PIP5K1B: variants seen among roughly 807,000 people sequenced by gnomAD.
PIP5K1B encodes phosphatidylinositol 4-phosphate 5-kinase type-1 beta.
A neutral mutation model predicts 67.0 loss-of-function variants in PIP5K1B; 42 were observed. That is an observed-to-expected ratio of 0.63 (90% CI 0.49 to 0.81). The LOEUF is 0.81. PIP5K1B is among the 30% of genes least tolerant of loss of function. The pLI is 0.00. For synonymous variants in PIP5K1B, 214 were observed against 231.4 expected, an observed-to-expected ratio of 0.92 and a Z score of 0.68; for missense variants, 459 against 646.3, an observed-to-expected ratio of 0.71 and a Z score of 3.14.
At chr9:68,928,824 G>A (rs1452323290) in intron 12 of PIP5K1B, among the ~76,000 whole-genome samples, 1 of 152,080 alleles carries the variant, frequency 6.6e-6, no homozygotes, top group Non-Finnish European at 1.5e-5. Context: ...CTATACTTTA[G>A]GTCCTATGCT....
intron 8 of PIP5K1B, among the ~76,000 whole-genome samples, chr9:68,903,673 G>A (rs554859372): frequency 5.9e-5 from 9 of 152,280 alleles, no homozygotes; most frequent in African/African-American, 2.2e-4. Flanking sequence ...AATAATCCAT[G>A]CAAGATAGTG....
At chr9:68,805,048 A>G (rs1373925977) in intron 2 of PIP5K1B, among the ~76,000 whole-genome samples, 3 of 152,230 alleles carry the variant, frequency 2.0e-5, no homozygotes, top group Non-Finnish European at 4.4e-5. Context: ...GAAGCATTGC[A>G]TTCTTCAAGG....
Position 68,935,006 on chromosome 9 carries a change from C to A in PIP5K1B, c.1318C>A (p.Leu440Met), listed in dbSNP as rs1342897341. The change falls in exon 13 of 16, where the codon CTG becomes ATG. Residue 440 changes from leucine to methionine, a missense_variant. By Grantham distance (15) the Leu-to-Met change is conservative. Coordinates refer to ENST00000265382, the MANE Select transcript of PIP5K1B (RefSeq NM_003558.4). ...ATGGAAGGATGAGAAGCGGGATTTG[C>A]TGACTGAAGGACAAAGTTTTAGCAG... ...QEWKDEKRDLLTEGQSFSSLD... is the reference protein window; with the variant it reads ...QEWKDEKRDLMTEGQSFSSLD... 1 of 1,613,580 alleles carries A rather than the reference C, an allele frequency of 6.2e-7. No homozygotes were observed. Among genetic ancestry groups the A allele is most frequent in the Admixed American group, 1.7e-5 (1 of 59,988 alleles).
rs187361733 is a variant in PIP5K1B at position 69,008,672 on chromosome 9, A to G, written c.*223A>G. On this transcript the variant is annotated 3_prime_UTR_variant, in exon 16 of 16. Transcript: ENST00000265382. ...TTCTATCATTTGCTGTTGCTTGCTG[A>G]ACTGTGAAGAACTGCATGAACTATA... 9.1e-6 allele frequency: 5 copies of G among 548,934 alleles called. No individual in the cohort carries two copies. Among genetic ancestry groups the G allele is most frequent in the Non-Finnish European group, 1.0e-5 (3 of 298,448 alleles). 34.0% of individuals were successfully genotyped at this position (548,934 alleles called of 1,614,324 possible). A position where few individuals can be genotyped will look rare whatever the true frequency, so the allele number is the denominator to read the frequency against.
chr9:68,729,651 C>T (rs1390235148), intron 1 of PIP5K1B, among the ~76,000 whole-genome samples: 1 of 151,998 alleles, frequency 6.6e-6, no homozygotes, highest in Non-Finnish European at 1.5e-5. Context: ...AGGTTAGGTA[C>T]TATCATTTTT....
At chr9:69,006,418 C>T (rs1000713260) in intron 15 of PIP5K1B, among the ~76,000 whole-genome samples, 6 of 152,096 alleles carry the variant, frequency 3.9e-5, no homozygotes, top group African/African-American at 1.2e-4. Context: ...TACAACTCTA[C>T]GCCCTTCACA....
At chr9:68,909,193 A>G (rs1043304379) in intron 8 of PIP5K1B, among the ~76,000 whole-genome samples, 2 of 152,244 alleles carry the variant, frequency 1.3e-5, no homozygotes, top group African/African-American at 4.8e-5. Context: ...AAAAGTTTAT[A>G]CAATAAAAAT....
chr9:68,773,841 T>C (rs1262421280), intron 2 of PIP5K1B, among the ~76,000 whole-genome samples: 3 of 152,182 alleles, frequency 2.0e-5, no homozygotes, highest in Non-Finnish European at 4.4e-5. Context: ...TCAATGATTA[T>C]TTGCAAATTG....
intron 4 of PIP5K1B, among the ~76,000 whole-genome samples, chr9:68,861,467 G>A (rs188880991): frequency 2.6e-5 from 4 of 152,338 alleles, no homozygotes; most frequent in Admixed American, 2.0e-4. Context: ...TTGCCAGGGT[G>A]GAGACAAGAA....
intron 6 of PIP5K1B, among the ~76,000 whole-genome samples, chr9:68,883,895 A>G (rs1214187736): frequency 9.9e-5 from 15 of 152,066 alleles, no homozygotes; most frequent in Admixed American, 9.8e-4. Flanking sequence ...ACCACACACA[A>G]TGGGGAAAGG....
intron 8 of PIP5K1B, among the ~76,000 whole-genome samples, chr9:68,912,923 A>G (rs1014646513): frequency 1.3e-5 from 2 of 152,332 alleles, no homozygotes; most frequent in Middle Eastern, 3.4e-3. Flanking sequence ...CCCCAAATCT[A>G]CAGAAGTTAC....
At chr9:68,719,649 A>T (rs917467058) in intron 1 of PIP5K1B, among the ~76,000 whole-genome samples, 7 of 152,174 alleles carry the variant, frequency 4.6e-5, no homozygotes, top group Non-Finnish European at 7.3e-5. Context: ...ACAAATGGGA[A>T]ATCAGTCTCT....
At chr9:68,739,014 G>T (rs547013594) in intron 1 of PIP5K1B, among the ~76,000 whole-genome samples, 1 of 152,234 alleles carries the variant, frequency 6.6e-6, no homozygotes, top group South Asian at 2.1e-4. Context: ...CCAGCCTTCA[G>T]TTTCTTCATT....
intron 5 of PIP5K1B, among the ~76,000 whole-genome samples, chr9:68,875,159 G>A (rs1003464013): frequency 1.3e-5 from 2 of 151,900 alleles, no homozygotes; most frequent in African/African-American, 2.4e-5. Flanking sequence ...CTCTCAGGCA[G>A]TCTTAGTCCC....
At chr9:68,936,709 T>G (rs1013691521) in intron 13 of PIP5K1B, among the ~76,000 whole-genome samples, 4 of 152,140 alleles carry the variant, frequency 2.6e-5, no homozygotes, top group Non-Finnish European at 5.9e-5. Flanking sequence ...AGTTAATGAT[T>G]TCAGCAAGAG....
intron 4 of PIP5K1B, among the ~76,000 whole-genome samples, chr9:68,849,999 C>T (rs1822402519): frequency 6.6e-6 from 1 of 152,146 alleles, no homozygotes; most frequent in Non-Finnish European, 1.5e-5. Flanking sequence ...TAGATCAAAA[C>T]AAGAACCAGA....
chr9:68,986,852 G>C (rs1258591010), intron 14 of PIP5K1B, among the ~76,000 whole-genome samples: 1 of 152,166 alleles, frequency 6.6e-6, no homozygotes, highest in Non-Finnish European at 1.5e-5. Flanking sequence ...AAAGTGGGTG[G>C]GTTTGCCTCT....
chr9:68,856,420 C>T (rs1259202644), intron 4 of PIP5K1B, among the ~76,000 whole-genome samples: 2 of 152,190 alleles, frequency 1.3e-5, no homozygotes, highest in Admixed American at 6.5e-5. Flanking sequence ...TTTGTTGACA[C>T]GACTTGTTGA....
chr9:68,884,356 C>CA (rs538756433), intron 6 of PIP5K1B, among the ~76,000 whole-genome samples: 16,762 of 120,514 alleles, frequency 0.14, 1,320 homozygotes, highest in African/African-American at 0.26. Context: ...ATACATTCCT[C>CA]AAAAAAAAAA....
Sources: gnomAD v4.1 joint callset for allele counts (sites outside exome capture counted in the v4.1 genomes callset) on GRCh38, gnomAD v4.1.1 for gene constraint, MANE v1.5 for transcripts, NCBI Gene and HGNC (gene_info 2026-07-23, HGNC 2026-07-21) for gene names.